USH2A: variants seen among roughly 807,000 people sequenced by gnomAD.
USH2A encodes Usher syndrome 2A (autosomal recessive, mild).
Under a neutral mutation model 538.9 loss-of-function variants are expected in USH2A, and 443 were observed. The ratio of observed to expected loss-of-function variants is 0.82; its 90% CI spans 0.76 to 0.89. USH2A has a LOEUF of 0.89. USH2A is among the 40% of genes least tolerant of loss of function. The pLI, the probability that USH2A is intolerant of heterozygous loss-of-function variation, is 0.00. For missense variants in USH2A, 6,633 were observed against 6,324.8 expected (o/e 1.05, Z -1.65); for synonymous variants, 2,413 against 2,273.5 (o/e 1.06, Z -1.75).
chr1:216,042,168 T>C (rs892292440), intron 32 of USH2A, among the ~76,000 whole-genome samples: 2 of 152,052 alleles, frequency 1.3e-5, no homozygotes, highest in Non-Finnish European at 2.9e-5. Flanking sequence ...TGATAGGATA[T>C]AGTCATAATA....
intron 44 of USH2A, among the ~76,000 whole-genome samples, chr1:215,861,442 T>G (rs1664309471): frequency 6.6e-6 from 1 of 152,222 alleles, no homozygotes; most frequent in East Asian, 1.9e-4. Context: ...TGTTAATTTG[T>G]ATCTCATGTA....
intron 37 of USH2A, among the ~76,000 whole-genome samples, chr1:215,964,600 T>A (rs1419346406): frequency 6.6e-6 from 1 of 152,102 alleles, no homozygotes; most frequent in Non-Finnish European, 1.5e-5. Context: ...CATTTAAAAA[T>A]AAAGGTTCAA....
chr1:215,741,037 T>G (rs545926949), intron 60 of USH2A, among the ~76,000 whole-genome samples: 1 of 152,114 alleles, frequency 6.6e-6, no homozygotes, highest in South Asian at 2.1e-4. Context: ...GGCCTGGGGG[T>G]TAGGAACCCC....
At chr1:215,667,670 C>T (rs1326953433) in intron 64 of USH2A, among the ~76,000 whole-genome samples, 1 of 151,436 alleles carries the variant, frequency 6.6e-6, no homozygotes, top group Non-Finnish European at 1.5e-5. Context: ...TGCACTCCAG[C>T]CTGGGTGACA....
chr1:216,033,061 T>C (rs1464659087), intron 32 of USH2A, among the ~76,000 whole-genome samples: 1 of 152,198 alleles, frequency 6.6e-6, no homozygotes, highest in Non-Finnish European at 1.5e-5. Context: ...TCTGCCATGA[T>C]GATCTCTCAA....
In USH2A at chr1:215,812,021, G is replaced by T. The variant is rs1346725696; in HGVS notation, c.9739+1715C>A. 7.5e-5 allele frequency among the ~76,000 whole-genome samples: 7 copies of T among 93,924 alleles called. No homozygotes were observed. In the South Asian group the frequency reaches 1.9e-3, roughly 26 times the overall value. 61.6% of individuals were successfully genotyped at this position (93,924 alleles called of 152,430 possible). ...TTTTTTTGAGACAGAGTCTTACTCT[G>T]TTGCCCAGGTTGGAGTGCAGTGGCA... On this transcript the variant is annotated intron_variant, in intron 49 of 71. Transcript: ENST00000307340.
chr1:216,301,500 G>A (rs1485424973), intron 9 of USH2A, among the ~76,000 whole-genome samples: 6 of 152,154 alleles, frequency 3.9e-5, no homozygotes, highest in Non-Finnish European at 8.8e-5. Context: ...TTCAGGGACC[G>A]AAAATAGTAT....
chr1:215,984,260 G>A (rs996766306), intron 35 of USH2A, among the ~76,000 whole-genome samples: 4 of 152,132 alleles, frequency 2.6e-5, no homozygotes, highest in African/African-American at 9.7e-5. Flanking sequence ...GCTTTTTCTT[G>A]CTTATTCTCT....
intron 14 of USH2A, among the ~76,000 whole-genome samples, chr1:216,218,859 G>T (rs2035396248): frequency 6.6e-6 from 1 of 151,898 alleles, no homozygotes; most frequent in South Asian, 2.1e-4. Context: ...AATTAAAATG[G>T]AATTATAGAT....
chr1:216,106,168 T>TTA (rs1209643887), intron 21 of USH2A, among the ~76,000 whole-genome samples: 29 of 147,550 alleles, frequency 2.0e-4, no homozygotes, highest in African/African-American at 6.9e-4. Flanking sequence ...TTTTATATAT[T>TTA]TATATATATA....
chr1:216,414,882 A>G (rs1261610597), intron 3 of USH2A, among the ~76,000 whole-genome samples: 1 of 152,116 alleles, frequency 6.6e-6, no homozygotes, highest in Admixed American at 6.6e-5. Flanking sequence ...CCAGCATGAT[A>G]AAAGTCCCTA....
chr1:216,086,581 T>C (rs1350114886), intron 24 of USH2A, 138 bp downstream of exon 24: 1 of 698,178 alleles, frequency 1.4e-6, no homozygotes, highest in Non-Finnish European at 2.5e-6. Context: ...AAAAGAGACC[T>C]AAAGGAAATT....
Position 215,782,910 on chromosome 1 carries a change from T to G in USH2A, c.10413A>C (p.Thr3471=), listed in dbSNP as rs530322386. Residue 3471 remains threonine (T), a synonymous_variant, in exon 53 of 72, where the codon ACA becomes ACC. Coordinates refer to ENST00000307340, the MANE Select transcript of USH2A (RefSeq NM_206933.4). The part of the protein sequence containing the change: ...YTDVNLKPYM[T]YEYRISAWNS... ...TCCAGGCAGAAATCCTGTACTCATA[T>G]GTCATGTAGGGCTTGAGGTTCACAT... 3.7e-6 allele frequency: 6 copies of G among 1,613,656 alleles called. No homozygotes were observed. The African/African-American group carries it at 8.0e-5, about 22-fold the overall frequency.
At chr1:216,221,895 T>G (rs1405639203) in intron 14 of USH2A, among the ~76,000 whole-genome samples, 2 of 152,178 alleles carry the variant, frequency 1.3e-5, no homozygotes, top group Non-Finnish European at 2.9e-5. Flanking sequence ...GGCAAGAAAG[T>G]CAAAAGACTG....
intron 11 of USH2A, among the ~76,000 whole-genome samples, chr1:216,283,017 A>C (rs954683428): frequency 4.6e-5 from 7 of 152,166 alleles, no homozygotes; most frequent in African/African-American, 1.4e-4. Context: ...TTCAGTGCAA[A>C]TATATGGAAA....
At chr1:216,037,113 T>C (rs1002784278) in intron 32 of USH2A, among the ~76,000 whole-genome samples, 12 of 152,094 alleles carry the variant, frequency 7.9e-5, no homozygotes, top group African/African-American at 2.2e-4. Flanking sequence ...TGAAGAAAAA[T>C]GGGTGCTCCT....
chr1:216,034,024 A>G (rs2102514002), intron 32 of USH2A, among the ~76,000 whole-genome samples: 1 of 152,354 alleles, frequency 6.6e-6, no homozygotes, highest in Non-Finnish European at 1.5e-5. Flanking sequence ...AAGGAGTTGG[A>G]GTAAAAACAC....
At chr1:215,639,283 C>T (rs1477978470) in intron 68 of USH2A, 45 bp from the exon 69 acceptor site, 1 of 1,582,074 alleles carries the variant, frequency 6.3e-7, no homozygotes, top group South Asian at 1.1e-5. Context: ...CATTCAACAC[C>T]TACAAATAGG....
Position 216,023,201 on chromosome 1 carries a change from T to C in USH2A, c.6326-22639A>G, listed in dbSNP as rs577952086. Among the ~76,000 whole-genome samples, 10 of 152,028 alleles carry C rather than the reference T, an allele frequency of 6.6e-5. 1 individual carries two copies. In the South Asian group the frequency reaches 2.1e-3, roughly 32 times the overall value. On this transcript the variant is annotated intron_variant, in intron 32 of 71. Transcript: ENST00000307340. ...TATCTATATCTATATATCTACCTGA[T>C]CTATCTGTCATCTGTTTACCTACAT...
Sources: gnomAD v4.1 joint callset for allele counts (sites outside exome capture counted in the v4.1 genomes callset) on GRCh38, gnomAD v4.1.1 for gene constraint, MANE v1.5 for transcripts, NCBI Gene and HGNC (gene_info 2026-07-23, HGNC 2026-07-21) for gene names.